PAX9: variants seen among roughly 807,000 people sequenced by gnomAD.
The protein encoded by PAX9 is paired box 9, also known as paired box protein Pax-9.
Under a neutral mutation model 29.1 loss-of-function variants are expected in PAX9, and 6 were observed. That is an observed-to-expected ratio of 0.21 (90% CI 0.11 to 0.41). The LOEUF (loss-of-function observed/expected upper bound fraction) is 0.41, where lower values mean the gene tolerates loss of function less well. Ranked by LOEUF, PAX9 falls within the 10% of genes least tolerant of loss-of-function variation. The pLI is 1.00. For synonymous variants in PAX9, 217 were observed against 211.7 expected (o/e 1.03, Z -0.22); for missense variants, 443 against 479.1 (o/e 0.92, Z 0.70).
At position 36,661,984 on chromosome 14, in the gene PAX9, G is replaced by T. The variant is rs1594465835; in HGVS notation, c.-106G>T. On this transcript the variant is annotated 5_prime_UTR_variant, in exon 1 of 4. Transcript: ENST00000361487. ...CCTCCTCCTGGGAAGAAGCGGAGGC[G>T]CCGGCGGTCGGCCGGGATAGCAACA... The T allele has an allele frequency of 1.4e-6, 2 of 1,430,106 alleles. No individual in the cohort carries two copies. The highest frequency in any genetic ancestry group is 5.0e-5 in the East Asian group (2 of 40,350). 88.6% of individuals were successfully genotyped at this position (1,430,106 alleles called of 1,614,324 possible). A position where few individuals can be genotyped will look rare whatever the true frequency, so the allele number is the denominator to read the frequency against.
intron 1 of PAX9, chr14:36,662,650 T>A: frequency 1.8e-6 from 1 of 568,064 alleles, no homozygotes; most frequent in Non-Finnish European, 3.1e-6. Flanking sequence ...AGGCCCGGCA[T>A]CTCACCACTT....
At chr14:36,662,758 A>G (rs1362735313) in intron 1 of PAX9, 139 bp from the exon 2 acceptor site, 1 of 1,005,416 alleles carries the variant, frequency 9.9e-7, no homozygotes, top group Admixed American at 2.3e-5. Context: ...CAGGGACCAT[A>G]TGGTTTGGGG....
upstream of PAX9, among the ~76,000 whole-genome samples, chr14:36,658,124 TTACC>T (rs1275992901): frequency 6.6e-6 from 1 of 152,158 alleles, no homozygotes; most frequent in Non-Finnish European, 1.5e-5. Context: ...AGCTGGCCGC[TTACC>T]CTGCAAGACG....
intron 2 of PAX9, among the ~76,000 whole-genome samples, chr14:36,665,255 G>A (rs1006139258): frequency 6.6e-6 from 1 of 151,644 alleles, no homozygotes. Context: ...AATGTCAGTT[G>A]GGAAAGTATT....
intron 2 of PAX9, chr14:36,666,257 A>G: frequency 4.8e-6 from 3 of 619,088 alleles, no homozygotes; most frequent in Non-Finnish European, 8.5e-6. Flanking sequence ...GGAAAGGCCT[A>G]CTCTGAGGGG....
upstream of PAX9, among the ~76,000 whole-genome samples, chr14:36,658,176 C>A (rs1022990728): frequency 2.6e-5 from 4 of 152,178 alleles, no homozygotes; most frequent in Admixed American, 2.0e-4. Context: ...AGAAGCTGGG[C>A]TTGTTTTTCT....
chr14:36,659,554 G>A (rs1312510701), upstream of PAX9, among the ~76,000 whole-genome samples: 1 of 152,182 alleles, frequency 6.6e-6, no homozygotes, highest in African/African-American at 2.4e-5. Flanking sequence ...CTGCGCTCTT[G>A]AGAATGCCAA....
At chr14:36,658,999 G>T (rs182188914), upstream of PAX9, among the ~76,000 whole-genome samples, 1 of 152,178 alleles carries the variant, frequency 6.6e-6, no homozygotes. Context: ...CTCTCGGCCC[G>T]GCTTCCAGTC....
At chr14:36,660,613 C>CCA (rs1881220910), upstream of PAX9, among the ~76,000 whole-genome samples, 1 of 152,112 alleles carries the variant, frequency 6.6e-6, no homozygotes, top group South Asian at 2.1e-4. Context: ...TAGACCGCAG[C>CCA]CACACACATC....
Position 36,678,647 on chromosome 14 carries a change from G to C in PAX9, c.*2195G>C. 1.6e-6 allele frequency: 2 copies of C among 1,264,870 alleles called. No individual in the cohort carries two copies. Among genetic ancestry groups the C allele is most frequent in the African/African-American group, 1.5e-5 (1 of 65,824 alleles). The allele number at this position is 1,264,870 out of a possible 1,614,324, so 78.4% of individuals were successfully genotyped here. A position where few individuals can be genotyped will look rare whatever the true frequency, so the allele number is the denominator to read the frequency against. ...ATCAAATGTTTTTAGGTGGCTGTTA[G>C]GGGGCTTTAAAAAATATTACTTGCT... On this transcript the variant is annotated 3_prime_UTR_variant, in exon 4 of 4. Transcript: ENST00000361487.
intron 3 of PAX9, among the ~76,000 whole-genome samples, chr14:36,672,935 G>T (rs560131727): frequency 3.1e-5 from 4 of 127,380 alleles, no homozygotes; most frequent in African/African-American, 1.2e-4. Context: ...ATGCGATCTC[G>T]GCTCACTGCA....
In PAX9 at chr14:36,662,017, C is replaced by A; in HGVS notation, c.-73C>A. 1 of 1,547,608 alleles carries A rather than the reference C, an allele frequency of 6.5e-7. No homozygotes were observed. The highest frequency in any genetic ancestry group is 8.7e-7 in the Non-Finnish European group (1 of 1,144,194). ...TCGGCCGGGATAGCAACAGGCCGGG[C>A]CACTGAGGCGGTGCGGAAAGTTTCT... is the stretch of plus-strand genomic sequence containing the variant. On this transcript the variant is annotated 5_prime_UTR_variant, in exon 1 of 4. Transcript: ENST00000361487.
chr14:36,674,389 T>C (rs890416482), intron 3 of PAX9, among the ~76,000 whole-genome samples: 1 of 152,196 alleles, frequency 6.6e-6, no homozygotes, highest in African/African-American at 2.4e-5. Flanking sequence ...GGGTGATAAA[T>C]TTTTTTAACA....
chr14:36,668,388 ATTAT>A (rs374823933), intron 3 of PAX9, among the ~76,000 whole-genome samples: 215 of 151,932 alleles, frequency 1.4e-3, no homozygotes, highest in African/African-American at 5.0e-3. Flanking sequence ...CTTTATACTT[ATTAT>A]TTATTTATTT....
rs1178992267 is a variant in PAX9, at chr14:36,678,490, G to A, written c.*2038G>A. On this transcript the variant is annotated 3_prime_UTR_variant, in exon 4 of 4. Transcript: ENST00000361487. Reference sequence around the variant, plus strand: ...TGACATCTGGAGTTCCCAGTCTGGTGAGAAAATAGACTATAAACTGAATGG... The same window carrying A: ...TGACATCTGGAGTTCCCAGTCTGGTAAGAAAATAGACTATAAACTGAATGG... The A allele has an allele frequency of 3.9e-6, 6 of 1,536,782 alleles. No individual in the cohort carries two copies. In the South Asian group the frequency reaches 5.9e-5, roughly 15 times the overall value.
At chr14:36,668,437 G>A (rs1159240598) in intron 3 of PAX9, among the ~76,000 whole-genome samples, 1 of 152,170 alleles carries the variant, frequency 6.6e-6, no homozygotes, top group Non-Finnish European at 1.5e-5. Flanking sequence ...TCGCCAGGTT[G>A]GAGTGCAGTG....
chr14:36,678,181 T>G lies in PAX9; in HGVS notation c.*1729T>G. 6.9e-6 allele frequency: 3 copies of G among 435,280 alleles called. No individual in the cohort carries two copies. The highest frequency in any genetic ancestry group is 1.3e-5 in the Non-Finnish European group (3 of 239,168). 27.0% of individuals were successfully genotyped at this position (435,280 alleles called of 1,614,324 possible). A position where few individuals can be genotyped will look rare whatever the true frequency, so the allele number is the denominator to read the frequency against. On this transcript the variant is annotated 3_prime_UTR_variant, in exon 4 of 4. Coordinates refer to ENST00000361487, the MANE Select transcript of PAX9 (RefSeq NM_001372076.1). ...TACATGGCAATGCGGTTCCACCACA[T>G]CGGTTTCGTGGCTTCGTTTAAAACT...
At position 36,678,847 on chromosome 14, in the gene PAX9, T is replaced by C. The variant is rs1295173976; in HGVS notation, c.*2395T>C. On this transcript the variant is annotated 3_prime_UTR_variant, in exon 4 of 4. Coordinates refer to ENST00000361487, the MANE Select transcript of PAX9 (RefSeq NM_001372076.1). ...CAGTGAATTCACATGGAGTAATTTT[T>C]AAAAGATATCAGATACAATTTGCTA... 1 of 978,710 alleles carries C rather than the reference T, an allele frequency of 1.0e-6. No homozygotes were observed. Among genetic ancestry groups the C allele is most frequent in the African/African-American group, 1.7e-5 (1 of 57,556 alleles). The allele number at this position is 978,710 out of a possible 1,614,324, so 60.6% of individuals were successfully genotyped here. A position where few individuals can be genotyped will look rare whatever the true frequency, so the allele number is the denominator to read the frequency against.
chr14:36,670,252 T>C (rs552852235), intron 3 of PAX9, among the ~76,000 whole-genome samples: 14 of 152,098 alleles, frequency 9.2e-5, no homozygotes, highest in African/African-American at 3.4e-4. Flanking sequence ...CATTTTGGGG[T>C]TGCAGATATT....
Sources: gnomAD v4.1 joint callset for allele counts (sites outside exome capture counted in the v4.1 genomes callset) on GRCh38, gnomAD v4.1.1 for gene constraint, MANE v1.5 for transcripts, NCBI Gene and HGNC (gene_info 2026-07-23, HGNC 2026-07-21) for gene names.